TNPO3: variants seen among roughly 807,000 people sequenced by gnomAD.
TNPO3 encodes the protein transportin-3.
In TNPO3, 65 loss-of-function variants were observed where a neutral mutation model predicts 122.8. The ratio of observed to expected loss-of-function variants is 0.53; its 90% CI spans 0.43 to 0.65. TNPO3 has a LOEUF of 0.65. Among genes scored for constraint, TNPO3 ranks in the 30% least tolerant of loss-of-function variants. The pLI is 0.00. For missense variants in TNPO3, 850 were observed against 1,136.7 expected, an observed-to-expected ratio of 0.75 and a Z score of 3.63; for synonymous variants, 372 against 411.2, an observed-to-expected ratio of 0.90 and a Z score of 1.15.
rs768556713 is a variant in TNPO3 at position 128,957,247 on chromosome 7, A to C, written c.*8T>G. Reference sequence around the variant, plus strand: ...ACCTGGGTGACAGGCACAGTGCAGGAGTGTGAGCTATCGAAACAACCTGGT... The same window carrying C: ...ACCTGGGTGACAGGCACAGTGCAGGCGTGTGAGCTATCGAAACAACCTGGT... On this transcript the variant is annotated 3_prime_UTR_variant, in exon 22 of 23. Transcript: ENST00000265388. The C allele has an allele frequency of 2.5e-6, 4 of 1,614,042 alleles. No homozygotes were observed. The South Asian group carries it at 4.4e-5, about 18-fold the overall frequency.
At chr7:128,955,770 A>G (rs1335929320) in intron 22 of TNPO3, among the ~76,000 whole-genome samples, 1 of 152,252 alleles carries the variant, frequency 6.6e-6, no homozygotes, top group Non-Finnish European at 1.5e-5. Context: ...TTGCCTACTA[A>G]TAACAGTTGA....
chr7:129,046,550 C>T (rs1808080488), intron 1 of TNPO3, among the ~76,000 whole-genome samples: 1 of 152,098 alleles, frequency 6.6e-6, no homozygotes, highest in South Asian at 2.1e-4. Context: ...AGCCAAAAAC[C>T]CTAGGTTTTA....
chr7:129,032,795 A>T (rs1806101618), intron 1 of TNPO3, among the ~76,000 whole-genome samples: 1 of 152,200 alleles, frequency 6.6e-6, no homozygotes, highest in Non-Finnish European at 1.5e-5. Context: ...TAATCTACAG[A>T]TTCAATGTAA....
intron 7 of TNPO3, among the ~76,000 whole-genome samples, chr7:128,997,969 C>A (rs1233005387): frequency 6.6e-6 from 1 of 151,036 alleles, no homozygotes; most frequent in Non-Finnish European, 1.5e-5. Context: ...TCCCAAGTAG[C>A]TGGGACTACA....
chr7:128,986,570 G>C (rs1800174979), intron 12 of TNPO3, among the ~76,000 whole-genome samples, 159 bp downstream of exon 12: 1 of 152,144 alleles, frequency 6.6e-6, no homozygotes, highest in Non-Finnish European at 1.5e-5. Flanking sequence ...TGTACATATA[G>C]TCAACACTAT....
intron 8 of TNPO3, among the ~76,000 whole-genome samples, chr7:128,994,210 T>G (rs1262191482): frequency 6.6e-6 from 1 of 152,120 alleles, no homozygotes; most frequent in Non-Finnish European, 1.5e-5. Context: ...CAGGCTGGAG[T>G]GCAGTGGTGC....
intron 3 of TNPO3, 110 bp from the exon 4 acceptor site, chr7:129,015,245 C>A: frequency 9.3e-7 from 1 of 1,073,070 alleles, no homozygotes; most frequent in East Asian, 2.6e-5. Flanking sequence ...ATTCCCACCA[C>A]TGTTAAGGGG....
chr7:128,969,462 C>T (rs1431487755), intron 20 of TNPO3, among the ~76,000 whole-genome samples: 1 of 124,414 alleles, frequency 8.0e-6, no homozygotes, highest in African/African-American at 2.6e-5. Flanking sequence ...CTTTCCTGAA[C>T]TGCTTTTACA....
At chr7:128,974,543 T>C (rs1389069725) in intron 18 of TNPO3, among the ~76,000 whole-genome samples, 1 of 152,086 alleles carries the variant, frequency 6.6e-6, no homozygotes, top group Non-Finnish European at 1.5e-5. Flanking sequence ...AGGTGAAACA[T>C]GAAATCGCAA....
rs4728144 is a variant in TNPO3, at chr7:129,000,280, A to T, written c.1011+149T>A. On this transcript the variant is annotated intron_variant, in intron 7 of 22. Coordinates refer to ENST00000265388, the MANE Select transcript of TNPO3 (RefSeq NM_012470.4). ...GCAGAAACCCAAATATAATTTTTTT[A>T]AAAAATTCCAAAACAGATGAAATCA... The T allele has an allele frequency of 0.5, 416,056 of 825,678 alleles. 107,401 individuals carry two copies. The highest frequency in any genetic ancestry group is 0.55 in the South Asian group (17,216 of 31,300). The allele number at this position is 825,678 out of a possible 1,614,324, so 51.1% of individuals were successfully genotyped here.
intron 21 of TNPO3, among the ~76,000 whole-genome samples, chr7:128,962,302 T>TTGCA (rs1054641231): frequency 1.3e-5 from 2 of 150,306 alleles, no homozygotes; most frequent in Non-Finnish European, 3.0e-5. Flanking sequence ...GAAGTGGAGC[T>TTGCA]TGCAGTGAGC....
chr7:128,978,497 G>A (rs999396379), intron 16 of TNPO3, among the ~76,000 whole-genome samples: 1 of 152,144 alleles, frequency 6.6e-6, no homozygotes, highest in East Asian at 1.9e-4. Flanking sequence ...TTGCTACTTA[G>A]AATACTGCTA....
rs943256917 is a variant in TNPO3, at chr7:128,979,010, T to C, written c.2034A>G (p.Ala678=). Residue 678 remains alanine, a synonymous_variant, in exon 16 of 23, where the codon GCA becomes GCG. Transcript: ENST00000265388. ...GTGTGACTAGTGGCTGCAGCAGTGC[T>C]GCAGATCCTTTGCCTACACAGCGAA... The part of the protein sequence containing the change: ...FAVRCVGKGS[A]ALLQPLVTQM... The C allele has an allele frequency of 6.2e-6, 10 of 1,614,082 alleles. No individual in the cohort carries two copies. In the African/African-American group the frequency reaches 1.1e-4, roughly 17 times the overall value.
At chr7:129,009,562 G>A (rs1260613049) in intron 4 of TNPO3, among the ~76,000 whole-genome samples, 1 of 152,192 alleles carries the variant, frequency 6.6e-6, no homozygotes, top group Admixed American at 6.5e-5. Flanking sequence ...AATATCACCT[G>A]TGATTGATTG....
chr7:128,996,188 C>T (rs557499464), intron 8 of TNPO3, among the ~76,000 whole-genome samples: 7 of 152,232 alleles, frequency 4.6e-5, no homozygotes, highest in African/African-American at 1.7e-4. Context: ...GATTAAAGGA[C>T]GGATTCAACC....
rs543311083 is a variant in TNPO3 at position 128,957,534 on chromosome 7, A to G, written c.2712-219T>C. ...AAGCTTGGTGGTCTTCAAAGGGTGT[A>G]CTCTGGACACAAACTGCCCGAGTTT... On this transcript the variant is annotated intron_variant, in intron 21 of 22. Coordinates refer to ENST00000265388, the MANE Select transcript of TNPO3 (RefSeq NM_012470.4). 2.0e-5 allele frequency among the ~76,000 whole-genome samples: 3 copies of G among 152,208 alleles called. No homozygotes were observed. In the South Asian group the frequency reaches 6.2e-4, roughly 32 times the overall value.
intron 1 of TNPO3, among the ~76,000 whole-genome samples, chr7:129,023,637 A>C (rs1021577664): frequency 6.6e-6 from 1 of 152,214 alleles, no homozygotes; most frequent in African/African-American, 2.4e-5. Context: ...GGCCAGAGAC[A>C]GGACAATTTA....
Position 129,001,144 on chromosome 7 carries a change from A to G in TNPO3, c.787T>C (p.Leu263=). 1 of 1,614,182 alleles carries G rather than the reference A, an allele frequency of 6.2e-7. No individual in the cohort carries two copies. Among genetic ancestry groups the G allele is most frequent in the Non-Finnish European group, 8.5e-7 (1 of 1,180,016 alleles). ...TGAAAAAGTTGCATGGCTAATGGCA[A>G]GTTAGTCTCCACATTCTCAATGGCA... ...LYAIENVETN[L]PLAMQLFQGV... The change falls in exon 6 of 23, where the codon TTG becomes CTG. Residue 263 remains leucine (L), a synonymous_variant. Coordinates refer to ENST00000265388, the MANE Select transcript of TNPO3 (RefSeq NM_012470.4).
rs1388317938 is a variant in TNPO3, at chr7:129,036,390, T to C, written c.121-18233A>G. 2.0e-5 allele frequency among the ~76,000 whole-genome samples: 3 copies of C among 152,262 alleles called. No individual in the cohort carries two copies. In the South Asian group the frequency reaches 6.2e-4, roughly 32 times the overall value. On this transcript the variant is annotated intron_variant, in intron 1 of 22. Transcript: ENST00000265388. ...CACCACCGTACCTGTCTTGGATTTG[T>C]TTTTTAATATCATCATCATAAAAGA...
Sources: gnomAD v4.1 joint callset for allele counts (sites outside exome capture counted in the v4.1 genomes callset) on GRCh38, gnomAD v4.1.1 for gene constraint, MANE v1.5 for transcripts, NCBI Gene and HGNC (gene_info 2026-07-23, HGNC 2026-07-21) for gene names.